The following UTRN variants were observed in gnomAD, a reference collection of about 807,000 sequenced individuals.
UTRN encodes utrophin, also known as dystrophin-related protein 1.
A neutral mutation model predicts 463.9 loss-of-function variants in UTRN; 283 were observed. That is an observed-to-expected ratio of 0.61 (90% CI 0.55 to 0.67). The LOEUF is 0.67. UTRN is among the 30% of genes least tolerant of loss of function. UTRN has a pLI of 0.00. For synonymous variants in UTRN, 1,442 were observed against 1,431.5 expected (o/e 1.01, Z -0.17); for missense variants, 3,922 against 4,084.3 (o/e 0.96, Z 1.08).
At chr6:144,343,318 G>A (rs891694692) in intron 2 of UTRN, among the ~76,000 whole-genome samples, 1 of 151,702 alleles carries the variant, frequency 6.6e-6, no homozygotes, top group Non-Finnish European at 1.5e-5. Context: ...GACAGCAGGA[G>A]TTCGAGACCA....
At chr6:144,576,081 G>A (rs542425969) in intron 50 of UTRN, among the ~76,000 whole-genome samples, 13 of 152,174 alleles carry the variant, frequency 8.5e-5, no homozygotes, top group African/African-American at 2.7e-4. Context: ...ATTGTAACAC[G>A]TGTCAGTACT....
intron 62 of UTRN, among the ~76,000 whole-genome samples, chr6:144,792,944 G>GTTT (rs1776886611): frequency 6.6e-6 from 1 of 152,024 alleles, no homozygotes; most frequent in Non-Finnish European, 1.5e-5. Context: ...AAACAAATCA[G>GTTT]TTTTTTAATG....
intron 41 of UTRN, among the ~76,000 whole-genome samples, chr6:144,528,704 CAG>C (rs1585134556): frequency 2.0e-5 from 3 of 152,326 alleles, no homozygotes; most frequent in African/African-American, 7.2e-5. Flanking sequence ...GTGGAAGTAA[CAG>C]GGGAGTGAAG....
At chr6:144,380,802 A>T (rs1780842313) in intron 2 of UTRN, among the ~76,000 whole-genome samples, 1 of 147,912 alleles carries the variant, frequency 6.8e-6, no homozygotes, top group African/African-American at 2.6e-5. Context: ...CTCAAAAAAG[A>T]AAAAAAAACT....
chr6:144,565,771 G>A (rs1299712233), intron 50 of UTRN, among the ~76,000 whole-genome samples: 1 of 152,174 alleles, frequency 6.6e-6, no homozygotes, highest in Non-Finnish European at 1.5e-5. Flanking sequence ...CAATTTGGAG[G>A]AAGTAATGTG....
chr6:144,732,722 T>A (rs994546428), intron 54 of UTRN, among the ~76,000 whole-genome samples: 1 of 146,806 alleles, frequency 6.8e-6, no homozygotes, highest in African/African-American at 2.5e-5. Flanking sequence ...TGTTATGTTA[T>A]GTTATTTTGA....
Position 144,403,171 on chromosome 6 carries a change from C to T in UTRN, c.128C>T (p.Ala43Val). 1 of 1,613,260 alleles carries T rather than the reference C, an allele frequency of 6.2e-7. No homozygotes were observed. The highest frequency in any genetic ancestry group is 1.3e-5 in the African/African-American group (1 of 74,926). ...AAAACCTTTACCAAATGGATAAATGCTCGATTTTCAAAGGTAACTGAGACT... is the reference window on the plus strand; with the variant it reads ...AAAACCTTTACCAAATGGATAAATGTTCGATTTTCAAAGGTAACTGAGACT... Reference protein sequence around the residue: ...QKKTFTKWINARFSKSGKPPI... With the variant: ...QKKTFTKWINVRFSKSGKPPI... The change falls in exon 3 of 75, where the codon GCT becomes GTT. Residue 43 changes from alanine to valine, a missense_variant. Physicochemically the swap from Ala to Val is moderately conservative, Grantham distance 64. Around this residue, in one of 3 missense-constraint regions of UTRN, gnomAD observed 264 missense variants for 327.9 expected, o/e 0.81. Coordinates refer to ENST00000367545, the MANE Select transcript of UTRN (RefSeq NM_007124.3).
In UTRN at chr6:144,827,760, C is replaced by T. The variant is rs992001870; in HGVS notation, c.9599+84C>T. 11 of 1,450,884 alleles carry T rather than the reference C, an allele frequency of 7.6e-6. No homozygotes were observed. In the Admixed American group the frequency reaches 2.3e-4, roughly 31 times the overall value. The allele number at this position is 1,450,884 out of a possible 1,614,324, so 89.9% of individuals were successfully genotyped here. On this transcript the variant is annotated intron_variant, in intron 68 of 74. Transcript: ENST00000367545. Reference sequence around the variant, plus strand: ...AATTAATCTAATATCATTAATATACCTTGATTTAAGAAATGCAGTTTTGCA... The same window carrying T: ...AATTAATCTAATATCATTAATATACTTTGATTTAAGAAATGCAGTTTTGCA...
chr6:144,635,530 CTTTTCTTTTTTTTT>C (rs1777067168), intron 51 of UTRN, among the ~76,000 whole-genome samples: 4 of 59,096 alleles, frequency 6.8e-5, no homozygotes, highest in African/African-American at 1.2e-4. Flanking sequence ...TTTTTTTTTT[CTTTTCTTTTTTTTT>C]TTTTTTTTTT....
At chr6:144,496,510 T>G (rs891679813) in intron 33 of UTRN, among the ~76,000 whole-genome samples, 3 of 152,258 alleles carry the variant, frequency 2.0e-5, no homozygotes, top group Non-Finnish European at 4.4e-5. Context: ...GGAATGGTAT[T>G]GCTGGTTTTT....
At chr6:144,746,094 G>C (rs1480383708) in intron 54 of UTRN, among the ~76,000 whole-genome samples, 1 of 151,630 alleles carries the variant, frequency 6.6e-6, no homozygotes, top group South Asian at 2.1e-4. Context: ...TCTGCCTCCC[G>C]GGGTCAAGCG....
At chr6:144,721,277 T>C (rs1162168223) in intron 53 of UTRN, among the ~76,000 whole-genome samples, 1 of 152,202 alleles carries the variant, frequency 6.6e-6, no homozygotes, top group Non-Finnish European at 1.5e-5. Flanking sequence ...AGTGGCACCA[T>C]CATAGCTCAC....
intron 52 of UTRN, among the ~76,000 whole-genome samples, chr6:144,682,004 T>A (rs543716137): frequency 6.6e-6 from 1 of 152,310 alleles, no homozygotes; most frequent in Admixed American, 6.5e-5. Context: ...TTATACTTTT[T>A]TAGTTATTTT....
rs1229036810 is a variant in UTRN, at chr6:144,310,634, CG to C, written c.79+18733del. Among the ~76,000 whole-genome samples, 7 of 93,354 alleles carry C rather than the reference CG, an allele frequency of 7.5e-5. No homozygotes were observed. In the Admixed American group the frequency reaches 8.1e-4, roughly 11 times the overall value. The allele number at this position is 93,354 out of a possible 152,430, so 61.2% of individuals were successfully genotyped here. ...GGGAGACAGGGATCACTGGGCGTGG[CG>C]GGGGGTGGGGGGCGTGCCTGTAATC... On this transcript the variant is annotated intron_variant, in intron 2 of 74. Coordinates refer to ENST00000367545, the MANE Select transcript of UTRN (RefSeq NM_007124.3).
At chr6:144,407,064 A>G (rs981235723) in intron 3 of UTRN, among the ~76,000 whole-genome samples, 1 of 151,434 alleles carries the variant, frequency 6.6e-6, no homozygotes, top group Non-Finnish European at 1.5e-5. Flanking sequence ...CTCTTTTCTG[A>G]GCTCCCAGAC....
chr6:144,832,059 T>C (rs1586756709), intron 69 of UTRN, among the ~76,000 whole-genome samples: 1 of 152,236 alleles, frequency 6.6e-6, no homozygotes, highest in Non-Finnish European at 1.5e-5. Flanking sequence ...TCTAATGATA[T>C]TTCCTTGGTG....
chr6:144,316,098 C>A (rs919374882), intron 2 of UTRN, among the ~76,000 whole-genome samples: 2 of 152,156 alleles, frequency 1.3e-5, no homozygotes, highest in East Asian at 1.9e-4. Flanking sequence ...CGTCTGTAAC[C>A]CCACACTCTG....
intron 42 of UTRN, among the ~76,000 whole-genome samples, 180 bp from the exon 43 acceptor site, chr6:144,532,905 G>T (rs1380115228): frequency 1.3e-5 from 2 of 152,142 alleles, no homozygotes; most frequent in African/African-American, 4.8e-5. Context: ...ATTTCATTTA[G>T]CATGTTCATT....
At chr6:144,471,081 AG>A (rs1324742801) in intron 23 of UTRN, among the ~76,000 whole-genome samples, 7 of 5,032 alleles carry the variant, frequency 1.4e-3, no homozygotes, top group African/African-American at 5.4e-3. Flanking sequence ...GGGGCGAGGG[AG>A]GGGGAGGGGG....
Sources: gnomAD v4.1 joint callset for allele counts (sites outside exome capture counted in the v4.1 genomes callset) on GRCh38, gnomAD v4.1.1 for gene constraint, gnomAD v4.1.1 regional missense constraint, MANE v1.5 for transcripts, NCBI Gene and HGNC (gene_info 2026-07-23, HGNC 2026-07-21) for gene names.